The following ZNF83 variants were observed in gnomAD, a reference collection of about 807,000 sequenced individuals.
ZNF83 encodes the protein zinc finger protein 83.
For missense variants in ZNF83, 552 were observed against 629.9 expected, an observed-to-expected ratio of 0.88 and a Z score of 1.32; for synonymous variants, 209 against 213.0, an observed-to-expected ratio of 0.98 and a Z score of 0.17.
intron 2 of ZNF83, among the ~76,000 whole-genome samples, chr19:52,656,115 A>G (rs1018488484): frequency 6.6e-6 from 1 of 152,112 alleles, no homozygotes; most frequent in African/African-American, 2.4e-5. Flanking sequence ...TGGGAGGCTG[A>G]GGTAGGAGTA....
chr19:52,650,170 C>A (rs2061424378), intron 3 of ZNF83, among the ~76,000 whole-genome samples: 1 of 151,702 alleles, frequency 6.6e-6, no homozygotes, highest in Non-Finnish European at 1.5e-5. Flanking sequence ...ATAAGGAAGT[C>A]AAGGGCTCTG....
intron 3 of ZNF83, chr19:52,654,902 G>C (rs1156604702): frequency 6.5e-6 from 1 of 153,096 alleles, no homozygotes; most frequent in Non-Finnish European, 1.5e-5. Flanking sequence ...CAGAACAAAA[G>C]GCCAAGGGTG....
chr19:52,629,497 C>T (rs1387074079), intron 2 of ZNF83, among the ~76,000 whole-genome samples: 5 of 152,232 alleles, frequency 3.3e-5, no homozygotes, highest in South Asian at 4.1e-4. Context: ...CCTCAGCCTC[C>T]GCTCCTCCAC....
At chr19:52,640,140 C>T (rs2061280126), upstream of ZNF83, among the ~76,000 whole-genome samples, 1 of 152,090 alleles carries the variant, frequency 6.6e-6, no homozygotes, top group African/African-American at 2.4e-5. Flanking sequence ...TACAACATAG[C>T]GACGCGTGCC....
At chr19:52,630,099 C>T (rs1198097292) in intron 2 of ZNF83, among the ~76,000 whole-genome samples, 2 of 152,190 alleles carry the variant, frequency 1.3e-5, no homozygotes, top group African/African-American at 2.4e-5. Context: ...GCCCAGGATT[C>T]CTCCTAAGCC....
chr19:52,619,948 G>T (rs143706595), intron 2 of ZNF83, among the ~76,000 whole-genome samples: 67 of 152,176 alleles, frequency 4.4e-4, no homozygotes, highest in Admixed American at 1.4e-3. Flanking sequence ...TACTTGGGAG[G>T]CCGAGGTGGG....
chr19:52,687,633 G>GTATATATA lies in ZNF83; in HGVS notation c.-283+2802_-283+2809dup, dbSNP rs35612737. On this transcript the variant is annotated intron_variant, in intron 1 of 5. Coordinates refer to the ZNF83 transcript ENST00000594682. ...TATAATGTGTATATATATATATAAT[G>GTATATATA]TATATATATATATATATATATATAA... Among the ~76,000 whole-genome samples the GTATATATA allele has an allele frequency of 9.0e-4, 25 of 27,838 alleles. 3 individuals are homozygous for GTATATATA. The highest frequency in any genetic ancestry group is 2.0e-3 in the East Asian group (2 of 976). 18.3% of individuals were successfully genotyped at this position (27,838 alleles called of 152,430 possible).
chr19:52,630,456 A>C (rs1438992891), intron 2 of ZNF83, among the ~76,000 whole-genome samples: 1 of 151,216 alleles, frequency 6.6e-6, no homozygotes, highest in Non-Finnish European at 1.5e-5. Flanking sequence ...AAACTCCCCC[A>C]CTCTGGTGCC....
At chr19:52,687,215 C>T (rs113603845) in intron 1 of ZNF83, among the ~76,000 whole-genome samples, 4 of 146,370 alleles carry the variant, frequency 2.7e-5, no homozygotes, top group Non-Finnish European at 4.5e-5. Flanking sequence ...GTAGGCCAGG[C>T]GCAGTGCCTC....
chr19:52,619,180 G>A (rs1225210404), intron 2 of ZNF83: 10 of 1,605,788 alleles, frequency 6.2e-6, no homozygotes, highest in Admixed American at 3.4e-5. Flanking sequence ...ACAAATCTGA[G>A]TAAGGGATTT....
intron 1 of ZNF83, among the ~76,000 whole-genome samples, chr19:52,675,314 T>G (rs1365975951): frequency 6.6e-6 from 1 of 152,174 alleles, no homozygotes; most frequent in Non-Finnish European, 1.5e-5. Flanking sequence ...GCCTGAAGGA[T>G]CCCACGACAT....
chr19:52,687,047 G>A (rs2147375688), intron 1 of ZNF83, among the ~76,000 whole-genome samples: 1 of 151,892 alleles, frequency 6.6e-6, no homozygotes, highest in Non-Finnish European at 1.5e-5. Context: ...CCAGAGTGGT[G>A]GCGCATGCCT....
At chr19:52,625,794 C>T (rs1000216683) in intron 2 of ZNF83, among the ~76,000 whole-genome samples, 1 of 152,134 alleles carries the variant, frequency 6.6e-6, no homozygotes, top group African/African-American at 2.4e-5. Context: ...ACACTCAATG[C>T]TTTCTCATAC....
chr19:52,687,388 T>TA lies in ZNF83; in HGVS notation c.-283+3054dup, dbSNP rs1568588071. On this transcript the variant is annotated intron_variant, in intron 1 of 5. Coordinates refer to the ZNF83 transcript ENST00000594682. ...TATAATATAAATTATAATTTATATA[T>TA]ATATAATTTATATAGCTATATAAAT... Among the ~76,000 whole-genome samples the TA allele has an allele frequency of 5.2e-3, 317 of 60,592 alleles. 126 individuals carry two copies. In the African/African-American group the frequency reaches 0.053, roughly 10 times the overall value. The allele number at this position is 60,592 out of a possible 152,430, so 39.8% of individuals were successfully genotyped here.
chr19:52,613,719 G>T (rs7247691), exon 3 of ZNF83: 12 of 1,351,960 alleles, frequency 8.9e-6, no homozygotes, highest in Non-Finnish European at 1.2e-5. Flanking sequence ...CTCCAGTGTG[G>T]ATTCTCTGAT....
chr19:52,674,070 A>G (rs959093683), intron 1 of ZNF83: 13 of 151,780 alleles, frequency 8.6e-5, no homozygotes, highest in Admixed American at 3.3e-4. Context: ...GGAAAGCACC[A>G]CACATTTGCA....
intron 3 of ZNF83, among the ~76,000 whole-genome samples, chr19:52,649,237 CCACGTG>C (rs1328857911): frequency 6.6e-6 from 1 of 152,152 alleles, no homozygotes; most frequent in African/African-American, 2.4e-5. Context: ...TTGAAATCCC[CCACGTG>C]AGTTTGTGCA....
intron 2 of ZNF83, among the ~76,000 whole-genome samples, chr19:52,656,090 C>G (rs2061500437): frequency 6.6e-6 from 1 of 151,940 alleles, no homozygotes. Context: ...GTGCATGCCT[C>G]TAGTCCCAGC....
chr19:52,669,607 CAA>C (rs2061696483), intron 1 of ZNF83, among the ~76,000 whole-genome samples: 1 of 152,166 alleles, frequency 6.6e-6, no homozygotes, highest in South Asian at 2.1e-4. Flanking sequence ...GAAAGTAAAA[CAA>C]AGACATTGCA....
Sources: allele counts gnomAD v4.1 joint callset (sites outside exome capture counted in the v4.1 genomes callset), GRCh38; gene constraint gnomAD v4.1.1; transcripts MANE v1.5; gene names NCBI Gene and HGNC (gene_info 2026-07-23, HGNC 2026-07-21).